The following GNS variants were observed in gnomAD, a reference collection of about 807,000 sequenced individuals.
The protein encoded by GNS is glucosamine (N-acetyl)-6-sulfatase, also known as N-acetylglucosamine-6-sulfatase.
In GNS, 40 loss-of-function variants were observed where a neutral mutation model predicts 69.7. The ratio of observed to expected loss-of-function variants is 0.57; its 90% CI spans 0.45 to 0.75. The LOEUF is 0.75. Among genes scored for constraint, GNS ranks in the 30% least tolerant of loss-of-function variants. The pLI, the probability that GNS is intolerant of heterozygous loss-of-function variation, is 0.00. For missense variants in GNS, 565 were observed against 685.5 expected (o/e 0.82, Z 1.96); for synonymous variants, 243 against 251.6 (o/e 0.97, Z 0.32).
At chr12:64,729,415 C>T (rs1869314591) in intron 9 of GNS, among the ~76,000 whole-genome samples, 1 of 152,160 alleles carries the variant, frequency 6.6e-6, no homozygotes, top group Non-Finnish European at 1.5e-5. Flanking sequence ...TGTCTTACAA[C>T]TTGATTATTC....
intron 10 of GNS, among the ~76,000 whole-genome samples, chr12:64,727,083 C>T (rs1482882039): frequency 6.6e-6 from 1 of 151,868 alleles, no homozygotes; most frequent in Non-Finnish European, 1.5e-5. Flanking sequence ...ACACCTACTA[C>T]AATATAATAA....
intron 6 of GNS, among the ~76,000 whole-genome samples, chr12:64,742,262 C>T (rs1040666221): frequency 1.3e-4 from 20 of 152,204 alleles, no homozygotes; most frequent in Non-Finnish European, 2.4e-4. Flanking sequence ...CCTCGTGATT[C>T]GCCCGCCTTG....
chr12:64,739,143 C>T (rs1426060322), intron 8 of GNS, among the ~76,000 whole-genome samples: 3 of 152,144 alleles, frequency 2.0e-5, no homozygotes, highest in Non-Finnish European at 4.4e-5. Context: ...CAAGCTCATG[C>T]TCTGCTCCCA....
intron 9 of GNS, among the ~76,000 whole-genome samples, chr12:64,729,802 T>C (rs1158441940): frequency 6.6e-6 from 1 of 152,296 alleles, no homozygotes; most frequent in South Asian, 2.1e-4. Flanking sequence ...TAATTAAAAA[T>C]TGTCCAATAA....
intron 1 of GNS, chr12:64,756,851 C>T: frequency 1.5e-6 from 1 of 662,996 alleles, no homozygotes; most frequent in Non-Finnish European, 2.6e-6. Flanking sequence ...CCAGTAGAAA[C>T]ACTTATTAAA....
intron 13 of GNS, 143 bp from the exon 14 acceptor site, chr12:64,716,962 CA>C (rs1868880635): frequency 1.4e-6 from 1 of 700,528 alleles, no homozygotes; most frequent in Admixed American, 2.0e-5. Context: ...TGGTACAAAA[CA>C]TGAGCCCTCG....
Position 64,759,094 on chromosome 12 carries a change from G to C in GNS, c.183C>G (p.Leu61=), listed in dbSNP as rs1026114202. ...LLLTDDQDEV[L]GGMTPLKKTK... ...GAAACAGAAGAGTTACCATGCCGCC[G>C]AGCACTTCGTCCTGGTCGTCCGTGA... The change falls in exon 1 of 14, where the codon CTC becomes CTG. Residue 61 remains leucine (L), a synonymous_variant. Transcript: ENST00000258145. 1 of 1,561,588 alleles carries C rather than the reference G, an allele frequency of 6.4e-7. No individual in the cohort carries two copies. Among genetic ancestry groups the C allele is most frequent in the Non-Finnish European group, 8.7e-7 (1 of 1,152,672 alleles).
intron 7 of GNS, 58 bp from the exon 8 acceptor site, chr12:64,739,557 A>G (rs1869662742): frequency 7.6e-6 from 5 of 658,256 alleles, no homozygotes; most frequent in Non-Finnish European, 1.3e-5. Context: ...AGGTATCACT[A>G]TCTTGCCAAA....
rs775564692 is a variant in GNS, at chr12:64,739,415, G to T, written c.960C>A (p.Tyr320Ter). The change falls in exon 8 of 14, where the codon TAC (tyrosine) becomes TAA (stop). Residue 320 changes from tyrosine to a stop codon, truncating the protein, a stop_gained. Coordinates refer to ENST00000258145, the MANE Select transcript of GNS (RefSeq NM_002076.4). LOFTEE classifies it high-confidence loss of function. ...AGCCATTGTCTGAGGTATAGAAGAT[G>T]TAAGTGTTGTTGAGCTCCCCAGTGA... The part of the protein sequence containing the change: ...LEFTGELNNT[Y>*]IFYTSDNGYH... 3 of 1,589,526 alleles carry T rather than the reference G, an allele frequency of 1.9e-6. No individual in the cohort carries two copies. The highest frequency in any genetic ancestry group is 1.7e-6 in the Non-Finnish European group (2 of 1,157,624).
chr12:64,727,897 C>T (rs1869258981), intron 10 of GNS, among the ~76,000 whole-genome samples: 1 of 152,090 alleles, frequency 6.6e-6, no homozygotes, highest in African/African-American at 2.4e-5. Context: ...ACACCAACAA[C>T]TATTGAATTG....
chr12:64,754,557 G>GAGGC (rs1870187346), intron 1 of GNS, among the ~76,000 whole-genome samples: 1 of 152,034 alleles, frequency 6.6e-6, no homozygotes, highest in African/African-American at 2.4e-5. Context: ...TGAGGTCAGA[G>GAGGC]AGGCAGGCAG....
intron 10 of GNS, among the ~76,000 whole-genome samples, chr12:64,728,361 T>C (rs1869277237): frequency 6.6e-6 from 1 of 152,282 alleles, no homozygotes; most frequent in African/African-American, 2.4e-5. Flanking sequence ...AGTTAACTTG[T>C]CTGACTGTTT....
intron 9 of GNS, among the ~76,000 whole-genome samples, chr12:64,730,434 CAAAAAAAAAAAA>C (rs35692874): frequency 2.3e-5 from 1 of 43,386 alleles, no homozygotes; most frequent in East Asian, 8.8e-4. Context: ...ATATGAAAGG[CAAAAAAAAAAAA>C]AAAAAAAAAA....
At chr12:64,722,769 T>C (rs1416882931) in intron 11 of GNS, 2 of 502,556 alleles carry the variant, frequency 4.0e-6, no homozygotes, top group Non-Finnish European at 7.3e-6. Flanking sequence ...AGAACACGGG[T>C]GGATACATGC....
chr12:64,748,009 T>A, intron 2 of GNS, 91 bp from the exon 3 acceptor site: 1 of 769,304 alleles, frequency 1.3e-6, no homozygotes, highest in Non-Finnish European at 2.4e-6. Flanking sequence ...AGCTCCTTAA[T>A]ACTCTAACTT....
intron 9 of GNS, among the ~76,000 whole-genome samples, chr12:64,730,707 G>A (rs983590206): frequency 1.3e-5 from 2 of 152,200 alleles, no homozygotes; most frequent in African/African-American, 2.4e-5. Flanking sequence ...TTCCTGGTTC[G>A]AAGACCCCCA....
At chr12:64,730,578 G>A (rs553929973) in intron 9 of GNS, among the ~76,000 whole-genome samples, 1 of 151,874 alleles carries the variant, frequency 6.6e-6, no homozygotes, top group South Asian at 2.1e-4. Context: ...AGGTATTACT[G>A]CCCAAAGGCA....
chr12:64,729,121 C>A, intron 9 of GNS, 64 bp from the exon 10 acceptor site: 1 of 859,414 alleles, frequency 1.2e-6, no homozygotes. Flanking sequence ...TCTACCTATA[C>A]TAAAGTTCTC....
In GNS at chr12:64,737,075, G is replaced by T; in HGVS notation, c.1027C>A (p.Leu343Met). 1 of 1,595,550 alleles carries T rather than the reference G, an allele frequency of 6.3e-7. No homozygotes were observed. Among genetic ancestry groups the T allele is most frequent in the Non-Finnish European group, 8.6e-7 (1 of 1,163,104 alleles). Residue 343 changes from leucine to methionine, a missense_variant, in exon 9 of 14, where the codon CTG (leucine) becomes ATG (methionine). Coordinates refer to ENST00000258145, the MANE Select transcript of GNS (RefSeq NM_002076.4). The stretch of plus-strand genomic sequence containing the variant: ...GGAACTTTGATATCAAACTCATACA[G>T]CTGTCTCTTGTCTATTGGCAAGGAA... ...QFSLPIDKRQ[L>M]YEFDIKVPLL...
Sources: allele counts gnomAD v4.1 joint callset (sites outside exome capture counted in the v4.1 genomes callset), GRCh38; gene constraint gnomAD v4.1.1; transcripts MANE v1.5; gene names NCBI Gene and HGNC (gene_info 2026-07-23, HGNC 2026-07-21).